KCTD16: variants seen among roughly 807,000 people sequenced by gnomAD.
KCTD16 encodes potassium channel tetramerization domain containing 16.
KCTD16 carries 13 observed loss-of-function variants against 33.2 expected under a neutral mutation model. That is an observed-to-expected ratio of 0.39 (90% CI 0.25 to 0.62). The LOEUF (loss-of-function observed/expected upper bound fraction) is 0.62, where lower values mean the gene tolerates loss of function less well. KCTD16 is among the 20% of genes least tolerant of loss of function. KCTD16 has a pLI of 0.50. For synonymous variants in KCTD16, 197 were observed against 195.3 expected (o/e 1.01, Z -0.07); for missense variants, 441 against 525.1 (o/e 0.84, Z 1.57).
At chr5:144,321,118 G>A (rs893060464) in intron 3 of KCTD16, among the ~76,000 whole-genome samples, 7 of 152,108 alleles carry the variant, frequency 4.6e-5, no homozygotes, top group African/African-American at 1.4e-4. Context: ...GCCTCCCAAG[G>A]TGTTGGGATT....
chr5:144,235,055 C>T (rs1180492082), intron 3 of KCTD16, among the ~76,000 whole-genome samples: 4 of 152,154 alleles, frequency 2.6e-5, no homozygotes, highest in African/African-American at 4.8e-5. Context: ...ACACTAGCTT[C>T]ACTAAGCTGA....
intron 3 of KCTD16, among the ~76,000 whole-genome samples, chr5:144,344,446 A>G (rs1238958741): frequency 1.3e-5 from 2 of 149,520 alleles, no homozygotes; most frequent in African/African-American, 5.1e-5. Flanking sequence ...AATTTTCGCA[A>G]CCTACTCATC....
intron 3 of KCTD16, among the ~76,000 whole-genome samples, chr5:144,261,119 T>G (rs1429504362): frequency 1.1e-5 from 1 of 95,210 alleles, no homozygotes; most frequent in Admixed American, 1.3e-4. Context: ...AGGCTAAAAA[T>G]GAACAAATGA....
intron 3 of KCTD16, among the ~76,000 whole-genome samples, chr5:144,283,713 G>A (rs1453988340): frequency 6.6e-6 from 1 of 152,150 alleles, no homozygotes; most frequent in African/African-American, 2.4e-5. Flanking sequence ...TTCCTTGATG[G>A]AAATGAGAAA....
chr5:144,444,893 G>A (rs1034933090), intron 3 of KCTD16, among the ~76,000 whole-genome samples: 2 of 149,310 alleles, frequency 1.3e-5, no homozygotes, highest in Admixed American at 6.7e-5. Context: ...TTTCAAATGT[G>A]TGTAATATAG....
chr5:144,314,464 C>A (rs1390244242), intron 3 of KCTD16, among the ~76,000 whole-genome samples: 1 of 152,090 alleles, frequency 6.6e-6, no homozygotes, highest in Non-Finnish European at 1.5e-5. Context: ...AGTGTATGTT[C>A]TTCTCCAGTT....
chr5:144,402,222 G>T (rs762499990), intron 3 of KCTD16, among the ~76,000 whole-genome samples: 5 of 152,170 alleles, frequency 3.3e-5, no homozygotes, highest in Non-Finnish European at 7.4e-5. Flanking sequence ...TTAACTGTTC[G>T]TTGGCTATAG....
chr5:144,443,250 A>G (rs765885581), intron 3 of KCTD16, among the ~76,000 whole-genome samples: 1 of 152,174 alleles, frequency 6.6e-6, no homozygotes, highest in Non-Finnish European at 1.5e-5. Flanking sequence ...TGAAGGGCAC[A>G]TAATGGAGTA....
chr5:144,297,013 T>A (rs914272840), intron 3 of KCTD16, among the ~76,000 whole-genome samples: 5 of 152,220 alleles, frequency 3.3e-5, no homozygotes, highest in African/African-American at 1.2e-4. Flanking sequence ...GAAACCTGAT[T>A]TCTGTAACTT....
At chr5:144,299,210 A>G (rs1271716401) in intron 3 of KCTD16, among the ~76,000 whole-genome samples, 1 of 134,492 alleles carries the variant, frequency 7.4e-6, no homozygotes, top group African/African-American at 2.7e-5. Context: ...TTCCTGTGCA[A>G]TATACCACTA....
At chr5:144,347,862 G>T (rs1752847283) in intron 3 of KCTD16, among the ~76,000 whole-genome samples, 1 of 152,096 alleles carries the variant, frequency 6.6e-6, no homozygotes, top group African/African-American at 2.4e-5. Context: ...TGACCAAAAC[G>T]ACCCTGCTGA....
At chr5:144,174,913 A>C (rs1001845404) in intron 2 of KCTD16, among the ~76,000 whole-genome samples, 1 of 152,200 alleles carries the variant, frequency 6.6e-6, no homozygotes, top group African/African-American at 2.4e-5. Flanking sequence ...TTCTAATGTC[A>C]GGTGAATGGC....
Position 144,186,772 on chromosome 5 carries a change from A to T in KCTD16, c.-327+12300A>T, listed in dbSNP as rs557802052. ...GATTATTAACTTTTTTAACCACTAG[A>T]AATGTAACATTAGCTGTGTAGCTTT... On this transcript the variant is annotated intron_variant, in intron 2 of 3. Transcript: ENST00000512467. Among the ~76,000 whole-genome samples the T allele has an allele frequency of 2.3e-3, 343 of 152,334 alleles. 2 individuals are homozygous for T. Among genetic ancestry groups the T allele is most frequent in the African/African-American group, 6.3e-3 (260 of 41,584 alleles).
At chr5:144,396,756 A>G (rs1752575888) in intron 3 of KCTD16, among the ~76,000 whole-genome samples, 1 of 152,032 alleles carries the variant, frequency 6.6e-6, no homozygotes, top group South Asian at 2.1e-4. Context: ...AACAGGCTCA[A>G]AATAAGTCTC....
At chr5:144,253,774 G>A (rs780578253) in intron 3 of KCTD16, among the ~76,000 whole-genome samples, 15 of 152,004 alleles carry the variant, frequency 9.9e-5, no homozygotes, top group Non-Finnish European at 1.6e-4. Context: ...GTGATTGAAG[G>A]TACTTAACCC....
chr5:144,205,505 C>T, intron 2 of KCTD16: 1 of 398,628 alleles, frequency 2.5e-6, no homozygotes, highest in Non-Finnish European at 4.4e-6. Context: ...CGCACCGGCT[C>T]CCACCTGGCT....
intron 3 of KCTD16, among the ~76,000 whole-genome samples, chr5:144,288,198 A>C (rs2126860045): frequency 6.6e-6 from 1 of 152,336 alleles, no homozygotes; most frequent in South Asian, 2.1e-4. Context: ...CCCTAGAGAA[A>C]GAATCTGGGC....
intron 3 of KCTD16, among the ~76,000 whole-genome samples, chr5:144,284,035 GT>G (rs1274451459): frequency 6.6e-6 from 1 of 152,130 alleles, no homozygotes; most frequent in Non-Finnish European, 1.5e-5. Flanking sequence ...GTAGCTTTCT[GT>G]TCTTTTAGGT....
intron 3 of KCTD16, among the ~76,000 whole-genome samples, chr5:144,236,989 T>A (rs1452238959): frequency 6.6e-6 from 1 of 152,064 alleles, no homozygotes; most frequent in East Asian, 1.9e-4. Context: ...CCATGACTAA[T>A]GTACACTGGT....
Sources: gnomAD v4.1 joint callset for allele counts (sites outside exome capture counted in the v4.1 genomes callset) on GRCh38, gnomAD v4.1.1 for gene constraint, MANE v1.5 for transcripts, NCBI Gene and HGNC (gene_info 2026-07-23, HGNC 2026-07-21) for gene names.